The following NDST3 variants were observed in gnomAD, a reference collection of about 807,000 sequenced individuals.
NDST3 encodes the protein bifunctional heparan sulfate N-deacetylase/N-sulfotransferase 3.
A neutral mutation model predicts 96.1 loss-of-function variants in NDST3; 58 were observed. The ratio of observed to expected loss-of-function variants is 0.60; its 90% CI spans 0.49 to 0.75. The LOEUF is 0.75. Among genes scored for constraint, NDST3 ranks in the 30% least tolerant of loss-of-function variants. The pLI is 0.00. For synonymous variants in NDST3, 333 were observed against 359.7 expected, an observed-to-expected ratio of 0.93 and a Z score of 0.84; for missense variants, 788 against 1,034.2, an observed-to-expected ratio of 0.76 and a Z score of 3.27.
chr4:118,113,256 A>C (rs1370287076), intron 3 of NDST3, among the ~76,000 whole-genome samples: 1 of 152,222 alleles, frequency 6.6e-6, no homozygotes, highest in Non-Finnish European at 1.5e-5. Context: ...CTGACTCCAA[A>C]GGCTACACTT....
At chr4:118,116,063 T>TA (rs985866385) in intron 4 of NDST3, among the ~76,000 whole-genome samples, 1 of 151,982 alleles carries the variant, frequency 6.6e-6, no homozygotes, top group Non-Finnish European at 1.5e-5. Flanking sequence ...TCTTTTTTCC[T>TA]AAAAAAATAA....
rs57523165 is a variant in NDST3, at chr4:118,131,254, TTTTGGTTTGG to T, written c.1225-6776_1225-6767del. Among the ~76,000 whole-genome samples, 923 of 150,570 alleles carry T rather than the reference TTTTGGTTTGG, an allele frequency of 6.1e-3. 6 individuals are homozygous for T. The highest frequency in any genetic ancestry group is 0.021 in the Middle Eastern group (6 of 288). On this transcript the variant is annotated intron_variant, in intron 4 of 13. Coordinates refer to ENST00000296499, the MANE Select transcript of NDST3 (RefSeq NM_004784.3). ...TAGATCTTATAGGTGTGCTATGTTG[TTTTGGTTTGG>T]TTTGGTTTGGTTTGGTTTGGTTTTC...
intron 6 of NDST3, among the ~76,000 whole-genome samples, chr4:118,153,691 G>C (rs1356686269): frequency 6.6e-6 from 1 of 152,114 alleles, no homozygotes; most frequent in Non-Finnish European, 1.5e-5. Flanking sequence ...GGGCGTGGTG[G>C]TGCATGCCTG....
At chr4:118,148,262 C>T (rs1439050448) in intron 6 of NDST3, among the ~76,000 whole-genome samples, 1 of 152,168 alleles carries the variant, frequency 6.6e-6, no homozygotes, top group Non-Finnish European at 1.5e-5. Flanking sequence ...CACGCCACTG[C>T]ACTCCAGCCT....
chr4:118,141,996 C>T (rs1235210565), intron 5 of NDST3, among the ~76,000 whole-genome samples: 1 of 151,946 alleles, frequency 6.6e-6, no homozygotes, highest in Non-Finnish European at 1.5e-5. Flanking sequence ...TGAATAAATA[C>T]TATATAAAGT....
intron 1 of NDST3, among the ~76,000 whole-genome samples, chr4:118,053,428 G>A (rs1355169445): frequency 1.3e-5 from 2 of 151,938 alleles, no homozygotes; most frequent in South Asian, 2.1e-4. Flanking sequence ...GGCAAGAAAT[G>A]GCAGTGTATG....
intron 5 of NDST3, among the ~76,000 whole-genome samples, chr4:118,139,659 T>C (rs1449514163): frequency 2.6e-5 from 4 of 152,158 alleles, no homozygotes; most frequent in Non-Finnish European, 4.4e-5. Flanking sequence ...GAGCAACTTT[T>C]TTCTGATGAT....
At chr4:118,223,589 A>T (rs1225676770) in intron 6 of NDST3, among the ~76,000 whole-genome samples, 2 of 152,036 alleles carry the variant, frequency 1.3e-5, no homozygotes, top group Non-Finnish European at 2.9e-5. Context: ...ATAGTTGTTA[A>T]GTAATTACAT....
chr4:118,100,963 A>G (rs1265029291), intron 2 of NDST3, among the ~76,000 whole-genome samples: 1 of 152,182 alleles, frequency 6.6e-6, no homozygotes, highest in Non-Finnish European at 1.5e-5. Flanking sequence ...TCTAGCAAAT[A>G]TAGACATTTA....
chr4:118,206,459 G>A (rs1307575992), intron 6 of NDST3, among the ~76,000 whole-genome samples: 1 of 144,484 alleles, frequency 6.9e-6, no homozygotes, highest in Non-Finnish European at 1.5e-5. Flanking sequence ...CAGGCCTAAA[G>A]CACAGCATAG....
chr4:118,178,332 C>T lies in NDST3; in HGVS notation c.1539+34648C>T, dbSNP rs1052705641. 3.1e-4 allele frequency among the ~76,000 whole-genome samples: 47 copies of T among 151,926 alleles called. 1 individual carries two copies. The highest frequency in any genetic ancestry group is 1.1e-3 in the African/African-American group (47 of 41,406). ...CTCTATATCCATCAAACAGCAATTCCGTATTCCTCCTGCCCCGAATCCTTA... is the reference window on the plus strand; with the variant it reads ...CTCTATATCCATCAAACAGCAATTCTGTATTCCTCCTGCCCCGAATCCTTA... On this transcript the variant is annotated intron_variant, in intron 6 of 13. Transcript: ENST00000296499.
rs755968818 is a variant in NDST3, at chr4:118,240,478, A to G, written c.2119-46A>G. Reference sequence around the variant, plus strand: ...CACAAAGATTGATTTTTAATTATTTATGCCTACGGTTCAGATTAGTTTAAT... The same window carrying G: ...CACAAAGATTGATTTTTAATTATTTGTGCCTACGGTTCAGATTAGTTTAAT... On this transcript the variant is annotated intron_variant, in intron 10 of 13. Coordinates refer to ENST00000296499, the MANE Select transcript of NDST3 (RefSeq NM_004784.3). The G allele has an allele frequency of 7.6e-6, 11 of 1,451,858 alleles. No individual in the cohort carries two copies. In the East Asian group the frequency reaches 2.6e-4, roughly 35 times the overall value. The allele number at this position is 1,451,858 out of a possible 1,614,324, so 89.9% of individuals were successfully genotyped here.
chr4:118,060,093 T>C (rs1247132816), intron 2 of NDST3, among the ~76,000 whole-genome samples: 1 of 152,104 alleles, frequency 6.6e-6, no homozygotes, highest in Non-Finnish European at 1.5e-5. Context: ...TAACTACATT[T>C]TTCAAATCTG....
At chr4:118,143,405 C>A in intron 5 of NDST3, 151 bp from the exon 6 acceptor site, 1 of 676,068 alleles carries the variant, frequency 1.5e-6, no homozygotes, top group Non-Finnish European at 2.4e-6. Flanking sequence ...ATCACCTTCC[C>A]TTGCCTAGAG....
chr4:118,223,302 A>T (rs1028554952), intron 6 of NDST3, among the ~76,000 whole-genome samples: 1 of 152,040 alleles, frequency 6.6e-6, no homozygotes, highest in African/African-American at 2.4e-5. Context: ...AGTTGCTATT[A>T]AAAAATAACC....
At chr4:118,093,960 A>G (rs559529213) in intron 2 of NDST3, among the ~76,000 whole-genome samples, 6 of 151,836 alleles carry the variant, frequency 4.0e-5, no homozygotes, top group Non-Finnish European at 7.4e-5. Flanking sequence ...GGGGACAAAC[A>G]CTGTATTTTC....
intron 6 of NDST3, among the ~76,000 whole-genome samples, chr4:118,162,566 G>C (rs1377769082): frequency 6.6e-6 from 1 of 151,268 alleles, no homozygotes; most frequent in Non-Finnish European, 1.5e-5. Context: ...GCTGAAACTG[G>C]ATCCCTTCCT....
intron 5 of NDST3, among the ~76,000 whole-genome samples, chr4:118,141,613 C>T (rs2125903636): frequency 6.6e-6 from 1 of 152,266 alleles, no homozygotes; most frequent in East Asian, 1.9e-4. Flanking sequence ...GCAATCAAGT[C>T]CCAAAGATGG....
At chr4:118,143,468 C>A in intron 5 of NDST3, 88 bp from the exon 6 acceptor site, 1 of 1,359,698 alleles carries the variant, frequency 7.4e-7, no homozygotes, top group South Asian at 1.3e-5. Context: ...CTAGCTTGTG[C>A]ATCATCTTGT....
Sources: allele counts gnomAD v4.1 joint callset (sites outside exome capture counted in the v4.1 genomes callset), GRCh38; gene constraint gnomAD v4.1.1; transcripts MANE v1.5; gene names NCBI Gene and HGNC (gene_info 2026-07-23, HGNC 2026-07-21).